SUMF2: variants seen among roughly 807,000 people sequenced by gnomAD.
SUMF2 encodes inactive C-alpha-formylglycine-generating enzyme 2.
Under a neutral mutation model 44.8 loss-of-function variants are expected in SUMF2, and 45 were observed. That is an observed-to-expected ratio of 1.00 (90% CI 0.79 to 1.29). The LOEUF (loss-of-function observed/expected upper bound fraction) is 1.29, where lower values mean the gene tolerates loss of function less well. Among genes scored for constraint, SUMF2 ranks in the 50% most tolerant of loss-of-function variants. SUMF2 has a pLI of 0.00. For missense variants in SUMF2, 418 were observed against 389.9 expected (o/e 1.07, Z -0.61); for synonymous variants, 148 against 150.4 (o/e 0.98, Z 0.12).
downstream of SUMF2, chr7:56,083,624 G>A (rs757507950): frequency 4.9e-5 from 77 of 1,561,874 alleles, no homozygotes; most frequent in East Asian, 1.2e-4. Flanking sequence ...GGGAGGGAGC[G>A]GAGAGAAGGG....
downstream of SUMF2, chr7:56,081,659 G>T (rs767151786): frequency 1.2e-6 from 2 of 1,613,592 alleles, no homozygotes; most frequent in African/African-American, 1.3e-5. The surrounding 1 kb of genome is among the most constrained non-coding windows in gnomAD (Gnocchi z 4.6). Context: ...CTGAAGTGCC[G>T]CACTTCCTCC....
the SUMF2 span, among the ~76,000 whole-genome samples, chr7:56,086,173 C>A: frequency 6.6e-6 from 1 of 151,674 alleles, no homozygotes; most frequent in Non-Finnish European, 1.5e-5. Flanking sequence ...CTCTTGCTAA[C>A]CCCTTGTTCT....
At position 56,064,288 on chromosome 7, in the gene SUMF2, A is replaced by G. The variant is rs369752921; in HGVS notation, c.-24A>G. The G allele has an allele frequency of 9.5e-6, 15 of 1,575,644 alleles. No individual in the cohort carries two copies. In the African/African-American group the frequency reaches 1.9e-4, roughly 20 times the overall value. ...GCATGCGCAGCGGGGCCGTGGGTGTACGCGGCGCAGCGCGGCAGTCCTGAT... is the reference window on the plus strand; with the variant it reads ...GCATGCGCAGCGGGGCCGTGGGTGTGCGCGGCGCAGCGCGGCAGTCCTGAT... On this transcript the variant is annotated 5_prime_UTR_variant, in exon 1 of 9. Coordinates refer to ENST00000434526, the MANE Select transcript of SUMF2 (RefSeq NM_015411.4).
At chr7:56,071,370 TTAAAA>T (rs898021050) in intron 2 of SUMF2, among the ~76,000 whole-genome samples, 8 of 151,766 alleles carry the variant, frequency 5.3e-5, no homozygotes, top group African/African-American at 1.4e-4. Flanking sequence ...ATATAAATAA[TTAAAA>T]TAAATCAGGA....
chr7:56,064,758 C>T (rs1259119116), intron 1 of SUMF2, among the ~76,000 whole-genome samples: 1 of 150,982 alleles, frequency 6.6e-6, no homozygotes, highest in Non-Finnish European at 1.5e-5. Flanking sequence ...CGGCGGGTGC[C>T]TGTAATCCCA....
rs759464325 is a variant in SUMF2, at chr7:56,078,157, T to G, written c.647T>G (p.Val216Gly). 3.1e-6 allele frequency: 5 copies of G among 1,612,708 alleles called. No individual in the cohort carries two copies. The South Asian group carries it at 5.5e-5, about 18-fold the overall frequency. Residue 216 changes from valine (V) to glycine (G), a missense_variant, in exon 7 of 9, where the codon GTG becomes GGG. Transcript: ENST00000434526. ...AEDGFHGVSPVNAFPAQNNYG... is the reference protein window; with the variant it reads ...AEDGFHGVSPGNAFPAQNNYG... Reference sequence around the variant, plus strand: ...GATGGCTTCCATGGAGTCTCCCCAGTGAATGCTTTCCCCGCCCAGAACAAC... The same window carrying G: ...GATGGCTTCCATGGAGTCTCCCCAGGGAATGCTTTCCCCGCCCAGAACAAC...
chr7:56,086,276 G>A, the SUMF2 span, among the ~76,000 whole-genome samples: 1 of 151,966 alleles, frequency 6.6e-6, no homozygotes, highest in East Asian at 1.9e-4. Context: ...TAGCACTGAA[G>A]CCTATACTTA....
the SUMF2 span, among the ~76,000 whole-genome samples, chr7:56,086,475 G>T: frequency 7.9e-5 from 12 of 151,838 alleles, no homozygotes; most frequent in South Asian, 2.1e-4. Context: ...GAGTTTTGGG[G>T]TTTTTTTTGT....
At chr7:56,087,678 G>A in the SUMF2 span, 129 of 1,613,906 alleles carry the variant, frequency 8.0e-5, 1 homozygote, top group East Asian at 4.0e-4. Context: ...CACCTCCTCC[G>A]GGCTGAAGCT....
the SUMF2 span, chr7:56,086,957 G>A: frequency 6.2e-7 from 1 of 1,608,144 alleles, no homozygotes; most frequent in Non-Finnish European, 8.5e-7. Context: ...TTGCTCCAGT[G>A]CTGGGTACTT....
At chr7:56,075,390 A>G (rs1370952728) in intron 5 of SUMF2, among the ~76,000 whole-genome samples, 1 of 151,946 alleles carries the variant, frequency 6.6e-6, no homozygotes, top group East Asian at 2.0e-4. Flanking sequence ...GGGTACAGAG[A>G]TTAATGTTAA....
At chr7:56,081,703 G>C (rs1192725633), downstream of SUMF2, 6 of 1,613,710 alleles carry the variant, frequency 3.7e-6, no homozygotes, top group East Asian at 8.9e-5. This position sits in a 1 kb window ranked among gnomAD's most constrained non-coding sequence, Gnocchi z 4.6. Flanking sequence ...GTGTGCCAAG[G>C]CCTCTTCCGC....
intron 2 of SUMF2, among the ~76,000 whole-genome samples, chr7:56,072,739 TAAACAAAC>T (rs59610615): frequency 6.6e-6 from 1 of 151,824 alleles, no homozygotes; most frequent in Non-Finnish European, 1.5e-5. Context: ...AATACACAAA[TAAACAAAC>T]AAATAAAATA....
chr7:56,085,965 ACT>A, the SUMF2 span, among the ~76,000 whole-genome samples: 1 of 135,624 alleles, frequency 7.4e-6, no homozygotes, highest in Non-Finnish European at 1.6e-5. Flanking sequence ...CAATAGCAAA[ACT>A]CTGTCTCAAA....
chr7:56,081,138 C>T (rs764456478), downstream of SUMF2: 2 of 1,613,890 alleles, frequency 1.2e-6, no homozygotes, highest in East Asian at 2.2e-5. This position sits in a 1 kb window ranked among gnomAD's most constrained non-coding sequence, Gnocchi z 4.6. Context: ...GCTGCCCCTT[C>T]TTCACCCAGT....
chr7:56,069,263 A>T (rs568011668), intron 2 of SUMF2, among the ~76,000 whole-genome samples: 1 of 152,002 alleles, frequency 6.6e-6, no homozygotes, highest in Non-Finnish European at 1.5e-5. Context: ...CCTCTTCTAC[A>T]TGGGGAAGGG....
At chr7:56,064,860 G>A (rs1350038827) in intron 1 of SUMF2, among the ~76,000 whole-genome samples, 3 of 130,794 alleles carry the variant, frequency 2.3e-5, no homozygotes, top group Non-Finnish European at 4.7e-5. Context: ...TCCAGCCTGG[G>A]CGACAGATCG....
intron 1 of SUMF2, among the ~76,000 whole-genome samples, chr7:56,066,345 C>T (rs1187551368): frequency 6.6e-6 from 1 of 152,164 alleles, no homozygotes; most frequent in Non-Finnish European, 1.5e-5. Flanking sequence ...AAATCTAGTC[C>T]TGTCTCCTGC....
downstream of SUMF2, chr7:56,083,033 GA>G (rs1796086671): frequency 4.8e-6 from 2 of 420,412 alleles, no homozygotes; most frequent in Non-Finnish European, 8.7e-6. Context: ...TTGAACTCGG[GA>G]GGTGGAAGTT....
Sources: allele counts gnomAD v4.1 joint callset (sites outside exome capture counted in the v4.1 genomes callset), GRCh38; gene constraint gnomAD v4.1.1; non-coding constraint Gnocchi (gnomAD v3.1); transcripts MANE v1.5; gene names NCBI Gene and HGNC (gene_info 2026-07-23, HGNC 2026-07-21).